The following GRID2 variants were observed in gnomAD, a reference collection of about 807,000 sequenced individuals.
GRID2 encodes glutamate receptor ionotropic, delta-2.
A neutral mutation model predicts 114.8 loss-of-function variants in GRID2; 33 were observed. That is an observed-to-expected ratio of 0.29 (90% CI 0.22 to 0.38). The LOEUF is 0.38. GRID2 is among the 10% of genes least tolerant of loss of function. The pLI is 1.00. For missense variants in GRID2, 1,184 were observed against 1,257.7 expected (o/e 0.94, Z 0.89); for synonymous variants, 505 against 449.9 (o/e 1.12, Z -1.55).
At chr4:93,211,475 T>TA (rs1743467364) in intron 5 of GRID2, among the ~76,000 whole-genome samples, 1 of 152,056 alleles carries the variant, frequency 6.6e-6, no homozygotes, top group Non-Finnish European at 1.5e-5. Context: ...TTTTGCAAAA[T>TA]AAAACATCCA....
At chr4:92,358,919 G>A (rs761068946) in intron 1 of GRID2, among the ~76,000 whole-genome samples, 2 of 151,718 alleles carry the variant, frequency 1.3e-5, no homozygotes, top group Non-Finnish European at 2.9e-5. Context: ...TTATGTACTT[G>A]CATGTATCAA....
At chr4:93,698,986 G>A (rs1727277736) in intron 14 of GRID2, among the ~76,000 whole-genome samples, 3 of 151,950 alleles carry the variant, frequency 2.0e-5, no homozygotes, top group Non-Finnish European at 4.4e-5. Flanking sequence ...GTTTTCAATG[G>A]CTGTTATGAA....
chr4:92,700,250 C>T (rs540511281), intron 2 of GRID2, among the ~76,000 whole-genome samples: 14 of 152,238 alleles, frequency 9.2e-5, no homozygotes, highest in African/African-American at 3.4e-4. Flanking sequence ...CCTTTGATAA[C>T]GATATATTGA....
intron 1 of GRID2, among the ~76,000 whole-genome samples, chr4:92,480,704 C>T (rs968495145): frequency 6.6e-6 from 1 of 152,108 alleles, no homozygotes; most frequent in African/African-American, 2.4e-5. Context: ...AGGCTCTAAC[C>T]TTAATTGCAT....
chr4:92,575,540 G>A (rs1229708494), intron 1 of GRID2, among the ~76,000 whole-genome samples: 2 of 151,978 alleles, frequency 1.3e-5, no homozygotes, highest in African/African-American at 2.4e-5. Flanking sequence ...ATTTGTTTTA[G>A]CCTTGCTGCA....
chr4:92,817,155 C>G (rs1344555231), intron 2 of GRID2, among the ~76,000 whole-genome samples: 1 of 152,088 alleles, frequency 6.6e-6, no homozygotes, highest in East Asian at 1.9e-4. Context: ...TTTTAAAATT[C>G]AATTTAGTAT....
intron 2 of GRID2, among the ~76,000 whole-genome samples, chr4:92,690,721 T>A (rs933795778): frequency 2.6e-5 from 4 of 152,162 alleles, no homozygotes; most frequent in African/African-American, 9.7e-5. Flanking sequence ...CACTTTACTG[T>A]ATTAAGCTAT....
intron 2 of GRID2, among the ~76,000 whole-genome samples, chr4:92,915,610 T>A (rs944099282): frequency 6.6e-6 from 1 of 152,144 alleles, no homozygotes; most frequent in Admixed American, 6.6e-5. Context: ...AAATGTTATT[T>A]CTGCTTTTAG....
intron 3 of GRID2, among the ~76,000 whole-genome samples, chr4:93,086,591 G>A (rs1057510769): frequency 1.3e-5 from 2 of 152,094 alleles, no homozygotes; most frequent in Admixed American, 6.6e-5. Context: ...AAAGTCTGTG[G>A]CACTCTCTGG....
At chr4:92,917,417 A>G (rs971776860) in intron 2 of GRID2, among the ~76,000 whole-genome samples, 5 of 152,148 alleles carry the variant, frequency 3.3e-5, no homozygotes, top group Non-Finnish European at 5.9e-5. Flanking sequence ...TTGGTGTTCT[A>G]GACATGAAGT....
intron 10 of GRID2, among the ~76,000 whole-genome samples, chr4:93,443,075 C>G (rs1415985745): frequency 6.6e-6 from 1 of 151,984 alleles, no homozygotes; most frequent in Non-Finnish European, 1.5e-5. Flanking sequence ...TCGAAAGCCA[C>G]TATTTTTCTC....
At chr4:92,827,948 T>C (rs1267305698) in intron 2 of GRID2, among the ~76,000 whole-genome samples, 1 of 152,052 alleles carries the variant, frequency 6.6e-6, no homozygotes, top group Non-Finnish European at 1.5e-5. Context: ...AACTTGATAG[T>C]TAATGTTGAG....
At chr4:92,707,156 A>C (rs551782416) in intron 2 of GRID2, among the ~76,000 whole-genome samples, 2 of 152,268 alleles carry the variant, frequency 1.3e-5, no homozygotes, top group African/African-American at 4.8e-5. Flanking sequence ...TCAAATAGTA[A>C]AAGGAAAATA....
intron 1 of GRID2, among the ~76,000 whole-genome samples, chr4:92,406,672 A>G (rs1455556865): frequency 6.6e-6 from 1 of 151,426 alleles, no homozygotes; most frequent in Non-Finnish European, 1.5e-5. Flanking sequence ...ATAGTAACCA[A>G]CAGGTGGCTC....
intron 1 of GRID2, among the ~76,000 whole-genome samples, chr4:93,784,437 G>A (rs994763045): frequency 3.9e-5 from 6 of 152,042 alleles, no homozygotes; most frequent in African/African-American, 1.4e-4. Flanking sequence ...GAGCCAAGGA[G>A]GAAGGATTTT....
intron 2 of GRID2, among the ~76,000 whole-genome samples, chr4:92,677,378 G>A (rs1352837480): frequency 6.6e-6 from 1 of 152,178 alleles, no homozygotes; most frequent in Non-Finnish European, 1.5e-5. Context: ...AGACAACTTG[G>A]CAGGAACCTT....
intron 8 of GRID2, among the ~76,000 whole-genome samples, chr4:93,354,587 G>T (rs111513626): frequency 6.6e-6 from 1 of 150,824 alleles, no homozygotes; most frequent in African/African-American, 2.4e-5. Context: ...CAAAAATTAG[G>T]ACTTTTAAAC....
intron 2 of GRID2, among the ~76,000 whole-genome samples, chr4:92,594,847 G>A (rs1163983312): frequency 1.3e-5 from 2 of 152,038 alleles, no homozygotes; most frequent in Non-Finnish European, 2.9e-5. Flanking sequence ...TGTCGTTTCT[G>A]AAAGCAGTAC....
chr4:93,432,089 G>A (rs954972387), intron 10 of GRID2, among the ~76,000 whole-genome samples: 1 of 152,202 alleles, frequency 6.6e-6, no homozygotes, highest in African/African-American at 2.4e-5. Flanking sequence ...CAGGAGAGTG[G>A]TGAAGATTGA....
Sources: allele counts gnomAD v4.1 joint callset (sites outside exome capture counted in the v4.1 genomes callset), GRCh38; gene constraint gnomAD v4.1.1; transcripts MANE v1.5; gene names NCBI Gene and HGNC (gene_info 2026-07-23, HGNC 2026-07-21).